MED26: variants seen among roughly 807,000 people sequenced by gnomAD.
MED26 encodes the protein mediator complex subunit 26.
Under a neutral mutation model 43.7 loss-of-function variants are expected in MED26, and 7 were observed. The ratio of observed to expected loss-of-function variants is 0.16; its 90% CI spans 0.09 to 0.30. MED26 has a LOEUF of 0.30. MED26 is among the 10% of genes least tolerant of loss of function. The probability of loss-of-function intolerance (pLI) is 1.00; values close to 1 mark genes in which losing one functional copy is unlikely to be tolerated. For missense variants in MED26, 784 were observed against 840.6 expected, an observed-to-expected ratio of 0.93 and a Z score of 0.83; for synonymous variants, 375 against 371.1, an observed-to-expected ratio of 1.01 and a Z score of -0.12.
chr19:16,591,969 G>A (rs923320496), intron 1 of MED26, among the ~76,000 whole-genome samples: 5 of 152,152 alleles, frequency 3.3e-5, no homozygotes, highest in East Asian at 1.9e-4. Context: ...GCTTTGAAAC[G>A]CACAATCCCC....
Position 16,577,403 on chromosome 19 carries a change from T to A in MED26, c.427A>T (p.Arg143Trp), listed in dbSNP as rs1160528487. ...LQRLPGQRLDRLGSRKRRGDQ... is the reference protein window; with the variant it reads ...LQRLPGQRLDWLGSRKRRGDQ... The stretch of plus-strand genomic sequence containing the variant: ...CCCCGGCGCTTGCGGCTGCCCAGCC[T>A]GTCCAGCCGCTGCCCGGGCAGCCTC... Residue 143 changes from arginine to tryptophan, a missense_variant, in exon 3 of 3, where the codon AGG (arginine) becomes TGG (tryptophan). Physicochemically the swap from Arg to Trp is moderately radical, Grantham distance 101. Around this residue, in one of 3 missense-constraint regions of MED26, gnomAD observed 719 missense variants for 730.9 expected, o/e 0.98. Transcript: ENST00000263390. This position sits in a 1 kb window ranked among gnomAD's most constrained non-coding sequence, Gnocchi z 8.1. 1 of 1,603,542 alleles carries A rather than the reference T, an allele frequency of 6.2e-7. No homozygotes were observed. Among genetic ancestry groups the A allele is most frequent in the Non-Finnish European group, 8.5e-7 (1 of 1,174,384 alleles).
chr19:16,624,697 C>G (rs368852969), intron 1 of MED26: 1 of 152,264 alleles, frequency 6.6e-6, no homozygotes. Context: ...TTCTTCCACT[C>G]TCCAAAGTTC....
intron 1 of MED26, among the ~76,000 whole-genome samples, chr19:16,604,314 C>T (rs2086162633): frequency 6.6e-6 from 1 of 152,218 alleles, no homozygotes; most frequent in Non-Finnish European, 1.5e-5. Context: ...GGACTCTACA[C>T]TAGTGACATG....
Position 16,577,998 on chromosome 19 carries a change from AG to A in MED26, c.148-317del. The A allele has an allele frequency of 2.1e-6, 1 of 475,712 alleles. No individual in the cohort carries two copies. The highest frequency in any genetic ancestry group is 4.0e-5 in the East Asian group (1 of 24,798). The allele number at this position is 475,712 out of a possible 1,614,324, so 29.5% of individuals were successfully genotyped here. On this transcript the variant is annotated intron_variant, in intron 2 of 2. Transcript: ENST00000263390. This position sits in a 1 kb window ranked among gnomAD's most constrained non-coding sequence, Gnocchi z 8.1. Reference sequence around the variant, plus strand: ...CTGCCAGAGAGGCTTCCTGGGTGAGAGGGTGCTGTGGCCGAGGCGACAGCAC... The same window carrying A: ...CTGCCAGAGAGGCTTCCTGGGTGAGAGGTGCTGTGGCCGAGGCGACAGCAC...
chr19:16,582,149 A>G (rs922545676), intron 1 of MED26, among the ~76,000 whole-genome samples: 7 of 152,256 alleles, frequency 4.6e-5, no homozygotes, highest in Non-Finnish European at 1.0e-4. Flanking sequence ...GTGAGTGTCC[A>G]GTGCGGCCAC....
chr19:16,588,107 G>C (rs1437351802), intron 1 of MED26: 1 of 152,294 alleles, frequency 6.6e-6, no homozygotes, highest in Non-Finnish European at 1.5e-5. Flanking sequence ...GGCCCTTTGT[G>C]AAGGCACAAG....
chr19:16,615,746 T>G (rs2086222965), intron 1 of MED26, among the ~76,000 whole-genome samples: 1 of 144,918 alleles, frequency 6.9e-6, no homozygotes, highest in Non-Finnish European at 1.5e-5. Context: ...ACTCCATCTC[T>G]GGGGGAGAAA....
At chr19:16,602,049 A>T (rs2086152201) in intron 1 of MED26, among the ~76,000 whole-genome samples, 1 of 152,100 alleles carries the variant, frequency 6.6e-6, no homozygotes, top group African/African-American at 2.4e-5. Flanking sequence ...GTGTCAGGGG[A>T]TGGATGGCGG....
rs1425119665 is a variant in MED26, at chr19:16,586,814, C to G, written c.73-8405G>C. ...ACCTGTGCCCCACAGCCCACATAAC[C>G]TGCTCCTTGGGCTCAAAACAGCCCC... On this transcript the variant is annotated intron_variant, in intron 1 of 2. Coordinates refer to ENST00000263390, the MANE Select transcript of MED26 (RefSeq NM_004831.5). The surrounding 1 kb of genome is among the most constrained non-coding windows in gnomAD (Gnocchi z 5.1). The G allele has an allele frequency of 6.6e-6, 1 of 152,232 alleles. No homozygotes were observed. The highest frequency in any genetic ancestry group is 2.4e-5 in the African/African-American group (1 of 41,440). The allele number at this position is 152,232 out of a possible 1,614,324, so 9.4% of individuals were successfully genotyped here. A position where few individuals can be genotyped will look rare whatever the true frequency, so the allele number is the denominator to read the frequency against.
intron 1 of MED26, among the ~76,000 whole-genome samples, chr19:16,608,422 C>T (rs1430519726): frequency 1.3e-5 from 2 of 152,192 alleles, no homozygotes; most frequent in Non-Finnish European, 2.9e-5. Context: ...ACATGGTGTG[C>T]TACTGAGTCT....
At chr19:16,584,187 A>G (rs899231870) in intron 1 of MED26, among the ~76,000 whole-genome samples, 12 of 151,080 alleles carry the variant, frequency 7.9e-5, no homozygotes, top group Admixed American at 2.6e-4. Context: ...TGGGAGGCGG[A>G]GGTTGCAATG....
intron 1 of MED26, among the ~76,000 whole-genome samples, chr19:16,622,760 C>T (rs1049895467): frequency 2.0e-5 from 3 of 152,182 alleles, no homozygotes; most frequent in South Asian, 2.1e-4. Context: ...AAAAGCACAA[C>T]GTGCAGTAAC....
intron 1 of MED26, among the ~76,000 whole-genome samples, chr19:16,618,395 G>A (rs1209155080): frequency 1.3e-5 from 2 of 152,166 alleles, no homozygotes; most frequent in African/African-American, 4.8e-5. Context: ...CTCCAGCCCA[G>A]GACAGGATCT....
chr19:16,599,017 G>A (rs2086135891), intron 1 of MED26, among the ~76,000 whole-genome samples: 1 of 152,174 alleles, frequency 6.6e-6, no homozygotes, highest in African/African-American at 2.4e-5. Flanking sequence ...CCCCGCTTGG[G>A]GACACATGTC....
At chr19:16,591,857 A>T (rs1411650856) in intron 1 of MED26, among the ~76,000 whole-genome samples, 3 of 152,166 alleles carry the variant, frequency 2.0e-5, no homozygotes, top group Non-Finnish European at 4.4e-5. Context: ...TAGAGTGAGA[A>T]ATCTGTCTGA....
Position 16,576,179 on chromosome 19 carries a change from C to G in MED26, c.1651G>C (p.Asp551His), listed in dbSNP as rs201082644. The G allele has an allele frequency of 1.7e-5, 28 of 1,613,284 alleles. No individual in the cohort carries two copies. In the East Asian group the frequency reaches 4.2e-4, roughly 24 times the overall value. The change falls in exon 3 of 3, where the codon GAT (aspartate) becomes CAT (histidine). Residue 551 changes from aspartate to histidine, a missense_variant. By Grantham distance (81) the Asp-to-His change is moderately conservative (BLOSUM62 -1). Around this residue, in one of 3 missense-constraint regions of MED26, gnomAD observed 719 missense variants for 730.9 expected, o/e 0.98. Transcript: ENST00000263390. This position sits in a 1 kb window ranked among gnomAD's most constrained non-coding sequence, Gnocchi z 6.8. ...TGGCTGGCCTGGATTCTGTCGAGAT[C>G]GTCCTGTGTGACCTCCCGGGTCAGA... ...PGLTREVTQD[D>H]LDRIQASQWP...
At chr19:16,604,715 C>T (rs1178198688) in intron 1 of MED26, among the ~76,000 whole-genome samples, 2 of 152,200 alleles carry the variant, frequency 1.3e-5, no homozygotes, top group Non-Finnish European at 2.9e-5. Flanking sequence ...CTTAATAGCA[C>T]CTCATTCATC....
At chr19:16,613,088 C>T (rs1306329641) in intron 1 of MED26, among the ~76,000 whole-genome samples, 2 of 152,102 alleles carry the variant, frequency 1.3e-5, no homozygotes, top group South Asian at 2.1e-4. Context: ...AGGATAGGGA[C>T]GTCCTCACTT....
chr19:16,623,184 C>A (rs1225280415), intron 1 of MED26, among the ~76,000 whole-genome samples: 1 of 152,116 alleles, frequency 6.6e-6, no homozygotes, highest in African/African-American at 2.4e-5. Flanking sequence ...GAGTCAAAGA[C>A]AAGGACATAC....
Sources: gnomAD v4.1 joint callset for allele counts (sites outside exome capture counted in the v4.1 genomes callset) on GRCh38, gnomAD v4.1.1 for gene constraint, gnomAD v4.1.1 regional missense constraint, Gnocchi (gnomAD v3.1) non-coding constraint, MANE v1.5 for transcripts, NCBI Gene and HGNC (gene_info 2026-07-23, HGNC 2026-07-21) for gene names.